Variants in CLIP4 observed in about 807,000 individuals in gnomAD.
CLIP4 encodes the protein CAP-Gly domain-containing linker protein 4.
CLIP4 carries 47 observed loss-of-function variants against 73.1 expected under a neutral mutation model. The observed-to-expected ratio is 0.64, with a 90% confidence interval of 0.51 to 0.82. The LOEUF is 0.82. CLIP4 is among the 40% of genes least tolerant of loss of function. The pLI is 0.00. For missense variants in CLIP4, 874 were observed against 852.9 expected (o/e 1.02, Z -0.31); for synonymous variants, 306 against 295.4 (o/e 1.04, Z -0.37).
chr2:29,099,579 A>G lies in CLIP4; in HGVS notation c.-16+1632A>G, dbSNP rs180871724. Among the ~76,000 whole-genome samples the G allele has an allele frequency of 2.6e-5, 4 of 152,290 alleles. No individual in the cohort carries two copies. In the East Asian group the frequency reaches 7.7e-4, roughly 29 times the overall value. On this transcript the variant is annotated intron_variant, in intron 1 of 14. Transcript: ENST00000401605. ...GATTTATTTGTGTATTCTTCTGCCA[A>G]TTCCACAGTCTTGATGGCTGTAGCT...
At position 29,143,916 on chromosome 2, in the gene CLIP4, G is replaced by A. The variant is rs771682545; in HGVS notation, c.856G>A (p.Gly286Arg). 1.2e-6 allele frequency: 2 copies of A among 1,614,022 alleles called. No individual in the cohort carries two copies. Among genetic ancestry groups the A allele is most frequent in the Admixed American group, 3.3e-5 (2 of 60,000 alleles). The change falls in exon 7 of 16, where the codon GGG becomes AGG. Residue 286 changes from glycine (G) to arginine (R), a missense_variant. Gly to Arg is a moderately radical substitution (Grantham distance 125, BLOSUM62 -2). Coordinates refer to ENST00000320081, the MANE Select transcript of CLIP4 (RefSeq NM_024692.6). ...AMLTSLGLKL[G>R]DRVVIAGQKV... is the part of the protein sequence containing the mutation. ...GCTTACGTCACTTGGCCTGAAGTTGGGGGATCGTGTTGTTATTGCAGGACA... is the reference window on the plus strand; with the variant it reads ...GCTTACGTCACTTGGCCTGAAGTTGAGGGATCGTGTTGTTATTGCAGGACA...
At chr2:29,107,358 G>GTTTTTTTTTTTTGTTTTTTGTTT (rs1668241370) in intron 1 of CLIP4, among the ~76,000 whole-genome samples, 2 of 65,352 alleles carry the variant, frequency 3.1e-5, no homozygotes, top group African/African-American at 1.0e-4. Context: ...GAACATGATA[G>GTTTTTTTTTTTTGTTTTTTGTTT]TTTTTTTTTT....
chr2:29,151,404 A>G (rs1572966671), intron 8 of CLIP4, among the ~76,000 whole-genome samples: 1 of 152,254 alleles, frequency 6.6e-6, no homozygotes, highest in East Asian at 1.9e-4. Flanking sequence ...CGTCATTATC[A>G]CCAGGCTTGA....
At chr2:29,114,657 G>C (rs941954605), upstream of CLIP4, among the ~76,000 whole-genome samples, 21 of 152,320 alleles carry the variant, frequency 1.4e-4, no homozygotes, top group Non-Finnish European at 2.8e-4. Flanking sequence ...CCGGGGTGCG[G>C]TGAGCGCTTA....
chr2:29,099,927 TTCTC>T (rs754189856), intron 1 of CLIP4, among the ~76,000 whole-genome samples: 7 of 152,208 alleles, frequency 4.6e-5, no homozygotes, highest in South Asian at 4.1e-4. Flanking sequence ...ACATAACTCT[TTCTC>T]TCTCTCTTTT....
Position 29,121,517 on chromosome 2 carries a change from C to A in CLIP4, c.129C>A (p.Asp43Glu). 1.2e-6 allele frequency: 2 copies of A among 1,613,302 alleles called. No homozygotes were observed. The highest frequency in any genetic ancestry group is 1.7e-6 in the Non-Finnish European group (2 of 1,179,756). Residue 43 changes from aspartate (D) to glutamate (E), a missense_variant, in exon 2 of 16, where the codon GAC becomes GAA. Physicochemically the swap from Asp to Glu is conservative, Grantham distance 45. Coordinates refer to ENST00000320081, the MANE Select transcript of CLIP4 (RefSeq NM_024692.6). The part of the protein sequence containing the change: ...FSISAAPMPS[D>E]CEFSFFDPND... ...TTTCTGCAGCACCAATGCCTTCAGACTGTGGTATGTGAAGTAGCTGTGCTT... is the reference window on the plus strand; with the variant it reads ...TTTCTGCAGCACCAATGCCTTCAGAATGTGGTATGTGAAGTAGCTGTGCTT...
At chr2:29,118,653 G>T (rs1307127003) in intron 1 of CLIP4, among the ~76,000 whole-genome samples, 6 of 151,868 alleles carry the variant, frequency 4.0e-5, no homozygotes, top group Non-Finnish European at 5.9e-5. Flanking sequence ...TGAGTAGCTG[G>T]GATTACAGGT....
chr2:29,166,262 C>T (rs1667608656), intron 13 of CLIP4, among the ~76,000 whole-genome samples: 1 of 151,970 alleles, frequency 6.6e-6, no homozygotes. Flanking sequence ...AAGGTAGTGT[C>T]CAGTCACAAT....
chr2:29,140,230 T>C (rs949368144), intron 6 of CLIP4, among the ~76,000 whole-genome samples: 1 of 151,692 alleles, frequency 6.6e-6, no homozygotes, highest in South Asian at 2.1e-4. Flanking sequence ...CCCTCCCCTC[T>C]CCTCCCGCCC....
chr2:29,175,907 G>A (rs192167165), intron 15 of CLIP4, among the ~76,000 whole-genome samples: 27 of 151,996 alleles, frequency 1.8e-4, no homozygotes, highest in Admixed American at 5.2e-4. Flanking sequence ...GACTACAGGC[G>A]CCCGCCACCA....
intron 5 of CLIP4, 92 bp downstream of exon 5, chr2:29,133,908 A>T (rs1665162901): frequency 8.6e-7 from 1 of 1,167,388 alleles, no homozygotes; most frequent in South Asian, 1.8e-5. Context: ...TTTCCTTCTA[A>T]TCCATCTTGT....
chr2:29,160,692 GTGTTAAAAATTAGT>G (rs1486677850), intron 12 of CLIP4, among the ~76,000 whole-genome samples: 1 of 152,120 alleles, frequency 6.6e-6, no homozygotes, highest in East Asian at 1.9e-4. Context: ...TAAATGGTCG[GTGTTAAAAATTAGT>G]TGTCATTCTC....
intron 1 of CLIP4, among the ~76,000 whole-genome samples, chr2:29,116,656 T>A (rs1252084557): frequency 6.6e-6 from 1 of 152,248 alleles, no homozygotes; most frequent in Non-Finnish European, 1.5e-5. Context: ...GTCTGCGTTT[T>A]TATGTTGGAG....
intron 8 of CLIP4, among the ~76,000 whole-genome samples, chr2:29,148,096 G>A (rs6547912): frequency 0.48 from 73,285 of 151,840 alleles, 18,616 homozygotes; most frequent in East Asian, 0.91. Context: ...GGATACCCCC[G>A]TCCCCTTGTA....
In CLIP4 at chr2:29,129,015, C is replaced by CTTA. The variant is rs1487039355; in HGVS notation, c.134-2241_134-2239dup. Among the ~76,000 whole-genome samples the CTTA allele has an allele frequency of 4.6e-5, 7 of 152,188 alleles. No homozygotes were observed. In the South Asian group the frequency reaches 1.5e-3, roughly 32 times the overall value. On this transcript the variant is annotated intron_variant, in intron 2 of 15. Coordinates refer to ENST00000320081, the MANE Select transcript of CLIP4 (RefSeq NM_024692.6). The stretch of plus-strand genomic sequence containing the variant: ...CAGCAATTAATGTTTCAGTATTTAT[C>CTTA]TTATGTGGACTTACATTGATTTAAT...
chr2:29,181,976 C>T lies in CLIP4; in HGVS notation c.*83C>T. 1 of 1,215,302 alleles carries T rather than the reference C, an allele frequency of 8.2e-7. No homozygotes were observed. 75.3% of individuals were successfully genotyped at this position (1,215,302 alleles called of 1,614,324 possible). ...TGGTAAATGGTTTACTTTATTTAGC[C>T]ATATTAAAATTTTGAAAATATAGTT... On this transcript the variant is annotated 3_prime_UTR_variant, in exon 16 of 16. Coordinates refer to ENST00000320081, the MANE Select transcript of CLIP4 (RefSeq NM_024692.6).
intron 14 of CLIP4, among the ~76,000 whole-genome samples, chr2:29,169,904 C>T (rs868046309): frequency 6.6e-6 from 1 of 152,072 alleles, no homozygotes; most frequent in South Asian, 2.1e-4. Flanking sequence ...CTCTTTATCC[C>T]CCTTCCCACC....
intron 15 of CLIP4, among the ~76,000 whole-genome samples, chr2:29,179,559 C>T (rs1175679855): frequency 1.3e-5 from 2 of 152,100 alleles, no homozygotes; most frequent in Non-Finnish European, 2.9e-5. Flanking sequence ...ATTCTTCTTC[C>T]ATTATAAGGA....
Position 29,167,541 on chromosome 2 carries a change from G to T in CLIP4, c.1723+1G>T. On this transcript the variant is annotated splice_donor_variant, in intron 14 of 15. Coordinates refer to ENST00000320081, the MANE Select transcript of CLIP4 (RefSeq NM_024692.6). LOFTEE classifies it high-confidence loss of function. ...AATAAACAGAACCATTCTTATCCTG[G>T]TAAGACTACACAGTTTTGTGTTCCT... The T allele has an allele frequency of 6.3e-7, 1 of 1,593,184 alleles. No individual in the cohort carries two copies. The highest frequency in any genetic ancestry group is 1.2e-5 in the South Asian group (1 of 86,924).
Sources: gnomAD v4.1 joint callset for allele counts (sites outside exome capture counted in the v4.1 genomes callset) on GRCh38, gnomAD v4.1.1 for gene constraint, MANE v1.5 for transcripts, NCBI Gene and HGNC (gene_info 2026-07-23, HGNC 2026-07-21) for gene names.